PLK4: variants seen among roughly 807,000 people sequenced by gnomAD.
The protein encoded by PLK4 is serine/threonine-protein kinase PLK4.
A neutral mutation model predicts 103.0 loss-of-function variants in PLK4; 51 were observed. The ratio of observed to expected loss-of-function variants is 0.50; its 90% CI spans 0.40 to 0.63. The LOEUF (loss-of-function observed/expected upper bound fraction) is 0.63, where lower values mean the gene tolerates loss of function less well. Ranked by LOEUF, PLK4 falls within the 20% of genes least tolerant of loss-of-function variation. The pLI is 0.00. For missense variants in PLK4, 1,054 were observed against 1,151.0 expected, an observed-to-expected ratio of 0.92 and a Z score of 1.22; for synonymous variants, 389 against 376.8, an observed-to-expected ratio of 1.03 and a Z score of -0.38.
At position 127,891,585 on chromosome 4, in the gene PLK4, A is replaced by G. The variant is rs11552117; in HGVS notation, c.1942A>G (p.Ile648Val). ...TAAAAAAATCTTTTGGCAGATCACT[A>G]TTTATTATCCAAATGGTGGTAGAGG... ...QISSDGNTITIYYPNGGRGFP... is the reference protein window; with the variant it reads ...QISSDGNTITVYYPNGGRGFP... The change falls in exon 9 of 16, where the codon ATT becomes GTT. Residue 648 changes from isoleucine to valine, a missense_variant. Around this residue, in one of 4 missense-constraint regions of PLK4, gnomAD observed 680 missense variants for 660.3 expected, o/e 1.03. Coordinates refer to ENST00000270861, the MANE Select transcript of PLK4 (RefSeq NM_014264.5). 2 of 1,484,262 alleles carry G rather than the reference A, an allele frequency of 1.3e-6. No homozygotes were observed. The highest frequency in any genetic ancestry group is 9.1e-7 in the Non-Finnish European group (1 of 1,093,156). 91.9% of individuals were successfully genotyped at this position (1,484,262 alleles called of 1,614,324 possible).
intron 13 of PLK4, among the ~76,000 whole-genome samples, chr4:127,894,236 T>G (rs1462948131): frequency 1.4e-5 from 2 of 146,230 alleles, no homozygotes; most frequent in African/African-American, 5.0e-5. Context: ...ACATATGTAG[T>G]TTTTTTTTTT....
At position 127,889,858 on chromosome 4, in the gene PLK4, TA is replaced by T. The variant is rs1246832072; in HGVS notation, c.1460-7del. On this transcript the variant is annotated splice_region_variant and splice_polypyrimidine_tract_variant and intron_variant, in intron 6 of 15. Coordinates refer to ENST00000270861, the MANE Select transcript of PLK4 (RefSeq NM_014264.5). ...TTACTAAATTGCTTCATTCTATGTA[TA>T]TTGTAGCTCATTTAAGAAAAACTAC... 2 of 1,570,874 alleles carry T rather than the reference TA, an allele frequency of 1.3e-6. No homozygotes were observed. Among genetic ancestry groups the T allele is most frequent in the South Asian group, 1.2e-5 (1 of 84,642 alleles).
At chr4:127,894,578 G>A (rs993373091) in intron 13 of PLK4, among the ~76,000 whole-genome samples, 2 of 152,082 alleles carry the variant, frequency 1.3e-5, no homozygotes, top group African/African-American at 4.8e-5. Context: ...AAATGCTCAT[G>A]ATAGACTCAT....
Position 127,892,351 on chromosome 4 carries a change from T to C in PLK4, c.2039-14T>C. Reference sequence around the variant, plus strand: ...ACACTTTCTTCCCTAATGTTAAGTATTTTTTTTCCTTAGAAAAATACTGGC... The same window carrying C: ...ACACTTTCTTCCCTAATGTTAAGTACTTTTTTTCCTTAGAAAAATACTGGC... On this transcript the variant is annotated splice_polypyrimidine_tract_variant and intron_variant, in intron 9 of 15. Coordinates refer to ENST00000270861, the MANE Select transcript of PLK4 (RefSeq NM_014264.5). 3 of 1,510,572 alleles carry C rather than the reference T, an allele frequency of 2.0e-6. No homozygotes were observed. The highest frequency in any genetic ancestry group is 2.7e-6 in the Non-Finnish European group (3 of 1,114,580). The allele number at this position is 1,510,572 out of a possible 1,614,324, so 93.6% of individuals were successfully genotyped here.
chr4:127,890,093 G>T lies in PLK4; in HGVS notation c.1687G>T (p.Gly563Cys). ...GATAATCCAACAAGAATGTGTTTTT[G>T]GCTCAGATCCTCTTTCTGAACAGAG... ...PEIIQQECVFGSDPLSEQSKT... is the reference protein window; with the variant it reads ...PEIIQQECVFCSDPLSEQSKT... Residue 563 changes from glycine to cysteine, a missense_variant, in exon 7 of 16, where the codon GGC becomes TGC. By Grantham distance (159) the Gly-to-Cys change is radical. Coordinates refer to ENST00000270861, the MANE Select transcript of PLK4 (RefSeq NM_014264.5). The T allele has an allele frequency of 6.2e-7, 1 of 1,613,974 alleles. No individual in the cohort carries two copies. The highest frequency in any genetic ancestry group is 8.5e-7 in the Non-Finnish European group (1 of 1,179,936).
At chr4:127,897,824 CTTTT>C (rs200741150) in intron 15 of PLK4, among the ~76,000 whole-genome samples, 7 of 28,786 alleles carry the variant, frequency 2.4e-4, no homozygotes, top group South Asian at 2.2e-3. Context: ...AGAATTAGGG[CTTTT>C]TTTTTTTTTT....
Position 127,898,765 on chromosome 4 carries a change from G to T in PLK4, c.*224G>T. On this transcript the variant is annotated 3_prime_UTR_variant, in exon 16 of 16. Coordinates refer to ENST00000270861, the MANE Select transcript of PLK4 (RefSeq NM_014264.5). ...AATAGAACACCTGACTTTGCTCTTA[G>T]ACCATAACCCCCGAACTTACTATGT... is the stretch of plus-strand genomic sequence containing the variant. 1 of 390,074 alleles carries T rather than the reference G, an allele frequency of 2.6e-6. No individual in the cohort carries two copies. The highest frequency in any genetic ancestry group is 4.5e-6 in the Non-Finnish European group (1 of 220,328). 24.2% of individuals were successfully genotyped at this position (390,074 alleles called of 1,614,324 possible).
intron 14 of PLK4, 91 bp downstream of exon 14, chr4:127,895,184 T>A: frequency 2.4e-6 from 2 of 848,800 alleles, no homozygotes; most frequent in East Asian, 5.7e-5. Context: ...TACAAATTAT[T>A]GTAATGATAT....
At chr4:127,881,264 G>T (rs566194587) in intron 1 of PLK4, 100 bp downstream of exon 1, 1 of 1,587,852 alleles carries the variant, frequency 6.3e-7, no homozygotes, top group Admixed American at 1.8e-5. Flanking sequence ...AACGGCTGCG[G>T]GGCGGGCACC....
At chr4:127,881,666 G>A (rs1265413252) in intron 1 of PLK4, among the ~76,000 whole-genome samples, 165 bp from the exon 2 acceptor site, 1 of 152,164 alleles carries the variant, frequency 6.6e-6, no homozygotes, top group Non-Finnish European at 1.5e-5. Context: ...CCCGCACGGA[G>A]TCAACATGCC....
chr4:127,887,375 T>C (rs1735175085), intron 5 of PLK4, 21 bp from the exon 6 acceptor site: 2 of 1,429,386 alleles, frequency 1.4e-6, no homozygotes, highest in South Asian at 1.2e-5. Context: ...GTTTATGGGA[T>C]TTTTTTGTTT....
At chr4:127,890,787 C>T (rs1404352071) in intron 7 of PLK4, among the ~76,000 whole-genome samples, 1 of 152,004 alleles carries the variant, frequency 6.6e-6, no homozygotes, top group African/African-American at 2.4e-5. Context: ...CTTCCCATTT[C>T]ATCCTTGCCT....
rs1256973289 is a variant in PLK4 at position 127,898,787 on chromosome 4, A to G, written c.*246A>G. 11 of 312,584 alleles carry G rather than the reference A, an allele frequency of 3.5e-5. No homozygotes were observed. The highest frequency in any genetic ancestry group is 6.4e-5 in the Non-Finnish European group (11 of 172,462). 19.4% of individuals were successfully genotyped at this position (312,584 alleles called of 1,614,324 possible). On this transcript the variant is annotated 3_prime_UTR_variant, in exon 16 of 16. Transcript: ENST00000270861. ...TTAGACCATAACCCCCGAACTTACT[A>G]TGTTCATATATTTGTATTGAACAAT...
At chr4:127,883,932 A>T (rs1735025054) in intron 4 of PLK4, among the ~76,000 whole-genome samples, 1 of 152,232 alleles carries the variant, frequency 6.6e-6, no homozygotes, top group East Asian at 1.9e-4. Context: ...TGAAACATAC[A>T]GGTAGTGTGC....
chr4:127,888,177 CAAAAAAAAAAAAAAA>C (rs58491426), intron 6 of PLK4, among the ~76,000 whole-genome samples: 527 of 33,202 alleles, frequency 0.016, 8 homozygotes, highest in African/African-American at 0.044. Context: ...TAGACTGTCT[CAAAAAAAAAAAAAAA>C]AAAAAAAAAA....
intron 6 of PLK4, 68 bp from the exon 7 acceptor site, chr4:127,889,798 G>GAC (rs746037478): frequency 2.3e-5 from 26 of 1,129,368 alleles, no homozygotes; most frequent in Non-Finnish European, 2.3e-5. Context: ...CAATCAGAGT[G>GAC]ACGTTATTTT....
Position 127,893,514 on chromosome 4 carries a change from G to T in PLK4, c.2324G>T (p.Gly775Val), listed in dbSNP as rs746676108. The change falls in exon 12 of 16, where the codon GGT (glycine) becomes GTT (valine). Residue 775 changes from glycine to valine, a missense_variant and splice_region_variant. This residue lies in a region of PLK4 where 680 missense variants were observed against 660.3 expected (regional missense o/e 1.03). Coordinates refer to ENST00000270861, the MANE Select transcript of PLK4 (RefSeq NM_014264.5). ...AGAAGCACTCTTCTTTTGAAATAGG[G>T]TCATCGTATTTGTTTAGCACTGGAA... The part of the protein sequence containing the change: ...IKMYMDHANE[G>V]HRICLALESI... The T allele has an allele frequency of 1.2e-6, 2 of 1,609,838 alleles. No individual in the cohort carries two copies. Among genetic ancestry groups the T allele is most frequent in the African/African-American group, 2.7e-5 (2 of 74,744 alleles).
At position 127,891,587 on chromosome 4, in the gene PLK4, T is replaced by G; in HGVS notation, c.1944T>G (p.Ile648Met). ...QISSDGNTITIYYPNGGRGFP... is the reference protein window; with the variant it reads ...QISSDGNTITMYYPNGGRGFP... ...AAAAAATCTTTTGGCAGATCACTAT[T>G]TATTATCCAAATGGTGGTAGAGGTT... is the stretch of plus-strand genomic sequence containing the variant. The change falls in exon 9 of 16, where the codon ATT becomes ATG. Residue 648 changes from isoleucine to methionine, a missense_variant. Physicochemically the swap from Ile to Met is conservative, Grantham distance 10. This residue lies in a region of PLK4 where 680 missense variants were observed against 660.3 expected (regional missense o/e 1.03). Coordinates refer to ENST00000270861, the MANE Select transcript of PLK4 (RefSeq NM_014264.5). The G allele has an allele frequency of 6.7e-7, 1 of 1,496,928 alleles. No individual in the cohort carries two copies. Among genetic ancestry groups the G allele is most frequent in the Non-Finnish European group, 9.1e-7 (1 of 1,102,600 alleles). 92.7% of individuals were successfully genotyped at this position (1,496,928 alleles called of 1,614,324 possible).
At chr4:127,894,334 C>G (rs2148823865) in intron 13 of PLK4, among the ~76,000 whole-genome samples, 1 of 152,178 alleles carries the variant, frequency 6.6e-6, no homozygotes, top group South Asian at 2.1e-4. Flanking sequence ...TCACGCCATT[C>G]TTCTGCCTCA....
Sources: gnomAD v4.1 joint callset for allele counts (sites outside exome capture counted in the v4.1 genomes callset) on GRCh38, gnomAD v4.1.1 for gene constraint, gnomAD v4.1.1 regional missense constraint, MANE v1.5 for transcripts, NCBI Gene and HGNC (gene_info 2026-07-23, HGNC 2026-07-21) for gene names.